NID1: variants seen among roughly 807,000 people sequenced by gnomAD.
NID1 encodes the protein nidogen-1.
Under a neutral mutation model 130.6 loss-of-function variants are expected in NID1, and 76 were observed. The ratio of observed to expected loss-of-function variants is 0.58; its 90% CI spans 0.48 to 0.70. NID1 has a LOEUF of 0.70. Among genes scored for constraint, NID1 ranks in the 30% least tolerant of loss-of-function variants. NID1 has a pLI of 0.00. For missense variants in NID1, 1,517 were observed against 1,664.8 expected (o/e 0.91, Z 1.54); for synonymous variants, 665 against 675.1 (o/e 0.98, Z 0.23).
chr1:236,022,900 A>G (rs1658806367), intron 9 of NID1, among the ~76,000 whole-genome samples: 1 of 151,642 alleles, frequency 6.6e-6, no homozygotes, highest in Admixed American at 6.6e-5. Context: ...CCTCTTTACT[A>G]AAAATACAAA....
At chr1:236,026,779 C>G (rs1321828311) in intron 7 of NID1, among the ~76,000 whole-genome samples, 1 of 150,666 alleles carries the variant, frequency 6.6e-6, no homozygotes, top group Non-Finnish European at 1.5e-5. Flanking sequence ...CGCCTTGTCA[C>G]CCAGGCTGGA....
intron 13 of NID1, among the ~76,000 whole-genome samples, chr1:235,991,963 C>T (rs1411935321): frequency 6.6e-6 from 1 of 152,188 alleles, no homozygotes; most frequent in Non-Finnish European, 1.5e-5. Flanking sequence ...CTCCTTTTCC[C>T]TCAGAATCAG....
Position 235,977,770 on chromosome 1 carries a change from G to A in NID1, c.*97C>T. On this transcript the variant is annotated 3_prime_UTR_variant, in exon 20 of 20. Coordinates refer to ENST00000264187, the MANE Select transcript of NID1 (RefSeq NM_002508.3). Reference sequence around the variant, plus strand: ...GGCTGGGCTGGGTCTGGGCCTAGTGGCCACTCAGCCAGAGGACACTTTTCA... The same window carrying A: ...GGCTGGGCTGGGTCTGGGCCTAGTGACCACTCAGCCAGAGGACACTTTTCA... 1 of 1,417,898 alleles carries A rather than the reference G, an allele frequency of 7.1e-7. No homozygotes were observed. Among genetic ancestry groups the A allele is most frequent in the South Asian group, 1.3e-5 (1 of 78,156 alleles). 87.8% of individuals were successfully genotyped at this position (1,417,898 alleles called of 1,614,324 possible). A position where few individuals can be genotyped will look rare whatever the true frequency, so the allele number is the denominator to read the frequency against.
intron 4 of NID1, among the ~76,000 whole-genome samples, chr1:236,041,073 T>A (rs1362559511): frequency 6.6e-6 from 1 of 151,890 alleles, no homozygotes; most frequent in Non-Finnish European, 1.5e-5. Context: ...CTGTAAAACT[T>A]TTTTTTTCTT....
chr1:236,029,478 T>C, intron 7 of NID1, 72 bp downstream of exon 7: 4 of 1,441,980 alleles, frequency 2.8e-6, no homozygotes, highest in Non-Finnish European at 3.8e-6. Flanking sequence ...AGTTCACGGC[T>C]GCCGTGGTGG....
intron 2 of NID1, among the ~76,000 whole-genome samples, chr1:236,046,262 A>C (rs1466114545): frequency 6.6e-6 from 1 of 152,200 alleles, no homozygotes; most frequent in South Asian, 2.1e-4. Context: ...GAAATGAGGA[A>C]GACTACATGA....
intron 12 of NID1, among the ~76,000 whole-genome samples, chr1:236,001,630 C>T (rs1057142948): frequency 1.3e-5 from 2 of 152,188 alleles, no homozygotes; most frequent in Non-Finnish European, 2.9e-5. Flanking sequence ...GCTTTCTTTA[C>T]TTATGAACTC....
chr1:236,043,524 C>T lies in NID1; in HGVS notation c.753-1232G>A, dbSNP rs548656413. 3.2e-4 allele frequency among the ~76,000 whole-genome samples: 48 copies of T among 152,008 alleles called. No individual in the cohort carries two copies. The South Asian group carries it at 6.7e-3, about 21-fold the overall frequency. ...TAGAAATCCCAACTCCAGGGCCGGGCGCGGTGGCTCACACCTGTAATCCCA... is the reference window on the plus strand; with the variant it reads ...TAGAAATCCCAACTCCAGGGCCGGGTGCGGTGGCTCACACCTGTAATCCCA... On this transcript the variant is annotated intron_variant, in intron 3 of 19. Transcript: ENST00000264187.
chr1:236,004,048 AAC>A (rs1491394924), intron 12 of NID1, among the ~76,000 whole-genome samples: 1 of 150,534 alleles, frequency 6.6e-6, no homozygotes, highest in Non-Finnish European at 1.5e-5. Context: ...AAAAAAAAAA[AAC>A]AAGAAGAAAA....
rs183569212 is a variant in NID1 at position 235,989,324 on chromosome 1, C to T, written c.2928+1562G>A. 4.6e-5 allele frequency among the ~76,000 whole-genome samples: 7 copies of T among 152,258 alleles called. No homozygotes were observed. In the East Asian group the frequency reaches 1.4e-3, roughly 29 times the overall value. ...ATGACATTTAGCCTCTCCCCTTGGT[C>T]TTGGGAAAGAATGTCTTTCACAGGG... On this transcript the variant is annotated intron_variant, in intron 14 of 19. Coordinates refer to ENST00000264187, the MANE Select transcript of NID1 (RefSeq NM_002508.3).
chr1:236,054,860 T>G (rs915802481), intron 1 of NID1, among the ~76,000 whole-genome samples: 6 of 151,988 alleles, frequency 3.9e-5, no homozygotes, highest in Non-Finnish European at 1.5e-5. Flanking sequence ...CAGGCTAGTC[T>G]GGAACTCCTG....
intron 8 of NID1, among the ~76,000 whole-genome samples, chr1:236,025,273 T>C (rs10927287): frequency 6.8e-6 from 1 of 147,476 alleles, no homozygotes; most frequent in African/African-American, 2.5e-5. Flanking sequence ...CTTTTTTTTT[T>C]TTTTTTGAGA....
chr1:236,038,178 C>G lies in NID1; in HGVS notation c.1211G>C (p.Arg404Thr). 1 of 1,613,470 alleles carries G rather than the reference C, an allele frequency of 6.2e-7. No homozygotes were observed. Among genetic ancestry groups the G allele is most frequent in the Non-Finnish European group, 8.5e-7 (1 of 1,179,468 alleles). The change falls in exon 5 of 20, where the codon AGG becomes ACG. Residue 404 changes from arginine to threonine, a missense_variant. Around this residue, in one of 3 missense-constraint regions of NID1, gnomAD observed 1,329 missense variants for 1,429.2 expected, o/e 0.93. Coordinates refer to ENST00000264187, the MANE Select transcript of NID1 (RefSeq NM_002508.3). ...GCAGCAGAAGCCCGTGGCGTAGTCC[C>G]TGCACTCTGCGTGCACCGAGCACTG... ...RHQCSVHAEC[R>T]DYATGFCCSC...
At chr1:235,986,201 G>A (rs1177173708) in intron 14 of NID1, among the ~76,000 whole-genome samples, 1 of 151,898 alleles carries the variant, frequency 6.6e-6, no homozygotes, top group African/African-American at 2.4e-5. Context: ...AGAAATCTTT[G>A]CCTACTTGAA....
chr1:236,027,067 T>G (rs1658955260), intron 7 of NID1, among the ~76,000 whole-genome samples: 1 of 151,956 alleles, frequency 6.6e-6, no homozygotes, highest in African/African-American at 2.4e-5. Context: ...TACATACCGG[T>G]CTAGACCAAG....
intron 12 of NID1, among the ~76,000 whole-genome samples, chr1:236,003,141 G>GTCACTCCTAGTGAACGACTGGTAGTTAT (rs1320974118): frequency 6.6e-6 from 1 of 151,564 alleles, no homozygotes; most frequent in South Asian, 2.1e-4. Context: ...ACTGGTAGTT[G>GTCACTCCTAGTGAACGACTGGTAGTTAT]TCACTCCTAG....
At chr1:236,027,408 C>T (rs867038423) in intron 7 of NID1, among the ~76,000 whole-genome samples, 6 of 152,208 alleles carry the variant, frequency 3.9e-5, no homozygotes, top group African/African-American at 7.2e-5. Context: ...ACAAGCCGGC[C>T]GCAACTGTGG....
intron 4 of NID1, among the ~76,000 whole-genome samples, chr1:236,040,662 C>CTTTTTTTTTTTT (rs36050664): frequency 7.0e-6 from 1 of 143,424 alleles, no homozygotes; most frequent in Non-Finnish European, 1.5e-5. Context: ...GTTGGAACAT[C>CTTTTTTTTTTTT]TTTTTTTTTT....
intron 1 of NID1, among the ~76,000 whole-genome samples, chr1:236,064,316 G>A (rs1660128496): frequency 1.3e-5 from 2 of 152,218 alleles, no homozygotes. Context: ...TCTGAAACGA[G>A]CCCAACTGGA....
Sources: allele counts gnomAD v4.1 joint callset (sites outside exome capture counted in the v4.1 genomes callset), GRCh38; gene constraint gnomAD v4.1.1; regional missense constraint gnomAD v4.1.1; transcripts MANE v1.5; gene names NCBI Gene and HGNC (gene_info 2026-07-23, HGNC 2026-07-21).